Variants in NELL2 observed in about 807,000 individuals in gnomAD.
NELL2 encodes neural EGFL like 2, also known as protein kinase C-binding protein NELL2.
A neutral mutation model predicts 109.6 loss-of-function variants in NELL2; 41 were observed. That is an observed-to-expected ratio of 0.37 (90% confidence interval 0.29 to 0.49). The LOEUF (loss-of-function observed/expected upper bound fraction) is 0.49. NELL2 is among the 20% of genes least tolerant of loss of function. NELL2 has a pLI of 0.98. For missense variants in NELL2, 900 were observed against 1,008.3 expected (o/e 0.89, Z 1.45); for synonymous variants, 355 against 344.7 (o/e 1.03, Z -0.33).
At chr12:44,794,256 T>C (rs578045949) in intron 3 of NELL2, among the ~76,000 whole-genome samples, 1 of 152,318 alleles carries the variant, frequency 6.6e-6, no homozygotes, top group South Asian at 2.1e-4. Context: ...TTGAATGAGC[T>C]GACTTAAGAA....
chr12:44,821,791 C>T (rs1943551203), intron 2 of NELL2, among the ~76,000 whole-genome samples: 1 of 151,976 alleles, frequency 6.6e-6, no homozygotes, highest in Admixed American at 6.5e-5. Context: ...AATCTCGGCT[C>T]ACTGCAACCT....
At chr12:44,809,969 T>G (rs1592578375) in intron 3 of NELL2, among the ~76,000 whole-genome samples, 1 of 152,098 alleles carries the variant, frequency 6.6e-6, no homozygotes, top group Non-Finnish European at 1.5e-5. Context: ...GAACTTGACT[T>G]ATAGCTGTTT....
intron 2 of NELL2, among the ~76,000 whole-genome samples, chr12:44,849,395 G>C (rs1944466324): frequency 6.6e-6 from 1 of 152,072 alleles, no homozygotes; most frequent in African/African-American, 2.4e-5. Flanking sequence ...TTCACAAATA[G>C]AAAATATATA....
At chr12:44,634,216 A>G (rs1178852689) in intron 13 of NELL2, among the ~76,000 whole-genome samples, 2 of 152,120 alleles carry the variant, frequency 1.3e-5, no homozygotes, top group Non-Finnish European at 2.9e-5. Context: ...ACACATGTGC[A>G]GAAGGTGCAG....
intron 9 of NELL2, among the ~76,000 whole-genome samples, chr12:44,744,549 G>A (rs1940208400): frequency 6.6e-6 from 1 of 152,072 alleles, no homozygotes; most frequent in African/African-American, 2.4e-5. Flanking sequence ...TTGATAGACT[G>A]CTAGCAAGAC....
intron 15 of NELL2, among the ~76,000 whole-genome samples, chr12:44,535,836 T>C (rs1942271966): frequency 6.6e-6 from 1 of 151,920 alleles, no homozygotes; most frequent in South Asian, 2.1e-4. Flanking sequence ...ATATACAATA[T>C]AGGGTAATTA....
chr12:44,777,284 T>A lies in NELL2; in HGVS notation c.637A>T (p.Met213Leu), dbSNP rs767323648. 1.4e-5 allele frequency: 22 copies of A among 1,613,740 alleles called. No individual in the cohort carries two copies. The Admixed American group carries it at 3.5e-4, about 26-fold the overall frequency. Residue 213 changes from methionine (M) to leucine (L), a missense_variant, in exon 6 of 20, where the codon ATG (methionine) becomes TTG (leucine). Transcript: ENST00000429094. ...CACTGAGCAATAAATCCCTGGGGCA[T>A]GACAAGTAATTGGACATCTTGCATT... ...GIMQDVQLLV[M>L]PQGFIAQCPD...
At chr12:44,621,151 C>G (rs1181114036) in intron 13 of NELL2, among the ~76,000 whole-genome samples, 3 of 152,142 alleles carry the variant, frequency 2.0e-5, no homozygotes, top group African/African-American at 7.2e-5. Context: ...CTCCTTGCTG[C>G]CACATGTGCT....
chr12:44,742,797 T>C (rs1226485372), intron 9 of NELL2, among the ~76,000 whole-genome samples: 3 of 152,154 alleles, frequency 2.0e-5, no homozygotes, highest in African/African-American at 4.8e-5. Context: ...AAAATGGGAC[T>C]ACGTGAAAAG....
At chr12:44,719,346 A>C (rs1418698597) in intron 9 of NELL2, among the ~76,000 whole-genome samples, 1 of 152,180 alleles carries the variant, frequency 6.6e-6, no homozygotes, top group East Asian at 1.9e-4. Context: ...GTTTCCTCTA[A>C]TGAGATTTTA....
chr12:44,788,734 T>C (rs1487975109), intron 3 of NELL2, among the ~76,000 whole-genome samples: 1 of 152,134 alleles, frequency 6.6e-6, no homozygotes, highest in Non-Finnish European at 1.5e-5. Context: ...GCTCTGTTCT[T>C]TTGCAGCTGG....
chr12:44,764,650 A>G (rs1036544709), intron 9 of NELL2, among the ~76,000 whole-genome samples: 2 of 152,214 alleles, frequency 1.3e-5, no homozygotes, highest in Non-Finnish European at 2.9e-5. Flanking sequence ...ATATGTTTAA[A>G]TTGTGGTGCT....
At chr12:44,809,261 T>C (rs112494497) in intron 3 of NELL2, among the ~76,000 whole-genome samples, 2,971 of 152,182 alleles carry the variant, frequency 0.02, 97 homozygotes, top group African/African-American at 0.065. Context: ...TTATTTTTAC[T>C]GATAAATATA....
chr12:44,643,459 G>T (rs975580902), intron 13 of NELL2, among the ~76,000 whole-genome samples: 1 of 151,960 alleles, frequency 6.6e-6, no homozygotes, highest in Admixed American at 6.6e-5. Context: ...AGAATAAAAA[G>T]TTATGTCTAA....
At chr12:44,885,021 G>GT (rs1267063034) in intron 1 of NELL2, among the ~76,000 whole-genome samples, 3 of 152,030 alleles carry the variant, frequency 2.0e-5, no homozygotes, top group Non-Finnish European at 4.4e-5. Context: ...GCTCCCCCCT[G>GT]TAATCCCAGC....
At chr12:44,829,507 C>T (rs548306590) in intron 2 of NELL2, among the ~76,000 whole-genome samples, 1 of 152,192 alleles carries the variant, frequency 6.6e-6, no homozygotes, top group African/African-American at 2.4e-5. Context: ...GAACATGAAC[C>T]ATCATAATTT....
chr12:44,695,565 CACAGTGAG>C (rs1949039083), intron 12 of NELL2, among the ~76,000 whole-genome samples: 1 of 152,004 alleles, frequency 6.6e-6, no homozygotes, highest in East Asian at 1.9e-4. Context: ...GGCATGATGG[CACAGTGAG>C]ACCCTGCCTC....
intron 1 of NELL2, among the ~76,000 whole-genome samples, chr12:44,891,529 A>G (rs2658979): frequency 0.71 from 108,461 of 152,140 alleles, 39,977 homozygotes; most frequent in East Asian, 0.94. Flanking sequence ...TGTTATTGTC[A>G]TTGTTGTATT....
At position 44,906,610 on chromosome 12, in the gene NELL2, G is replaced by A. The variant is rs79557456; in HGVS notation, c.38+7189C>T. On this transcript the variant is annotated intron_variant, in intron 1 of 20. Coordinates refer to the NELL2 transcript ENST00000333837. ...CTGCCAGACTGGAATTGAGATATGA[G>A]AGAAAAAGAGGAATCAAGGAGAACT... Among the ~76,000 whole-genome samples the A allele has an allele frequency of 4.2e-3, 641 of 151,878 alleles. 3 individuals carry two copies. The highest frequency in any genetic ancestry group is 0.014 in the African/African-American group (589 of 41,430).
Sources: gnomAD v4.1 joint callset for allele counts (sites outside exome capture counted in the v4.1 genomes callset) on GRCh38, gnomAD v4.1.1 for gene constraint, MANE v1.5 for transcripts, NCBI Gene and HGNC (gene_info 2026-07-23, HGNC 2026-07-21) for gene names.